The following PCDH9 variants were observed in gnomAD, a reference collection of about 807,000 sequenced individuals.
The protein encoded by PCDH9 is protocadherin 9.
PCDH9 carries 24 observed loss-of-function variants against 70.6 expected under a neutral mutation model. The observed-to-expected ratio is 0.34, with a 90% CI of 0.25 to 0.48. The LOEUF (loss-of-function observed/expected upper bound fraction) is 0.48. Among genes scored for constraint, PCDH9 ranks in the 20% least tolerant of loss-of-function variants. The pLI is 0.99. For synonymous variants in PCDH9, 562 were observed against 558.5 expected, an observed-to-expected ratio of 1.01 and a Z score of -0.09; for missense variants, 1,281 against 1,503.6, an observed-to-expected ratio of 0.85 and a Z score of 2.45.
intron 2 of PCDH9, among the ~76,000 whole-genome samples, chr13:67,196,870 C>T (rs1223460179): frequency 6.6e-6 from 1 of 151,882 alleles, no homozygotes; most frequent in Non-Finnish European, 1.5e-5. Flanking sequence ...ATAAAATGTG[C>T]ACATTTTCAA....
At chr13:67,208,322 T>TA (rs1186595416) in intron 2 of PCDH9, 1 of 152,144 alleles carries the variant, frequency 6.6e-6, no homozygotes, top group African/African-American at 2.4e-5. Context: ...TTATCAACAT[T>TA]AAAAAATTGG....
Position 66,874,656 on chromosome 13 carries a change from G to A in PCDH9, c.3138+28848C>T, listed in dbSNP as rs150909324. Among the ~76,000 whole-genome samples the A allele has an allele frequency of 5.9e-5, 9 of 151,910 alleles. No individual in the cohort carries two copies. In the East Asian group the frequency reaches 1.2e-3, roughly 20 times the overall value. ...AAATGAGATAAATGAGGATACGCAG[G>A]GAAACATTTAACATAAGATAGGTGC... On this transcript the variant is annotated intron_variant, in intron 3 of 4. Coordinates refer to ENST00000377865, the MANE Select transcript of PCDH9 (RefSeq NM_203487.3).
At chr13:66,954,553 G>A (rs962056774) in intron 2 of PCDH9, among the ~76,000 whole-genome samples, 2 of 152,094 alleles carry the variant, frequency 1.3e-5, no homozygotes, top group Non-Finnish European at 2.9e-5. Context: ...ACTTACCAAG[G>A]GTGCTGGGTC....
chr13:66,906,488 A>T lies in PCDH9; in HGVS notation c.3037-2883T>A, dbSNP rs575232646. On this transcript the variant is annotated intron_variant, in intron 2 of 4. Coordinates refer to ENST00000377865, the MANE Select transcript of PCDH9 (RefSeq NM_203487.3). ...TTTAAAGGTCATTCTTTTTCTTCCA[A>T]CTTTTCCAAGAAAATATGCAACATA... 1.3e-4 allele frequency among the ~76,000 whole-genome samples: 20 copies of T among 152,256 alleles called. No individual in the cohort carries two copies. In the South Asian group the frequency reaches 4.1e-3, roughly 32 times the overall value.
chr13:66,330,235 C>T (rs1463959434), intron 4 of PCDH9, among the ~76,000 whole-genome samples: 1 of 152,208 alleles, frequency 6.6e-6, no homozygotes, highest in Non-Finnish European at 1.5e-5. Context: ...AATAGCCTGG[C>T]ACTGGCTGCT....
chr13:67,139,073 T>C (rs17517922), intron 2 of PCDH9, among the ~76,000 whole-genome samples: 15,684 of 152,228 alleles, frequency 0.1, 1,044 homozygotes, highest in Admixed American at 0.19. Flanking sequence ...GGCAAAACTC[T>C]AGTCAATCCT....
intron 2 of PCDH9, among the ~76,000 whole-genome samples, chr13:66,998,839 C>A (rs1169498631): frequency 6.6e-6 from 1 of 152,086 alleles, no homozygotes; most frequent in East Asian, 1.9e-4. Context: ...TCAATTCATT[C>A]TTTCTAATGC....
At chr13:66,862,972 T>C (rs1803965343) in intron 3 of PCDH9, among the ~76,000 whole-genome samples, 1 of 152,188 alleles carries the variant, frequency 6.6e-6, no homozygotes, top group Non-Finnish European at 1.5e-5. Context: ...CCATCACAGG[T>C]AAGAAATTCT....
At chr13:67,123,117 A>C (rs1226097266) in intron 2 of PCDH9, among the ~76,000 whole-genome samples, 1 of 152,190 alleles carries the variant, frequency 6.6e-6, no homozygotes, top group Non-Finnish European at 1.5e-5. Context: ...ATGGAAAAAC[A>C]AAAATCTACT....
At chr13:67,212,667 G>A (rs2089491936) in intron 2 of PCDH9, 3 of 152,128 alleles carry the variant, frequency 2.0e-5, no homozygotes, top group Admixed American at 1.3e-4. Flanking sequence ...TCTGGAATAA[G>A]CATTGGTATC....
At position 67,226,895 on chromosome 13, in the gene PCDH9, C is replaced by T. The variant is rs2089888745; in HGVS notation, c.1546G>A (p.Asp516Asn). Residue 516 changes from aspartate to asparagine, a missense_variant, in exon 2 of 5, where the codon GAT (aspartate) becomes AAT (asparagine). By Grantham distance (23) the Asp-to-Asn change is conservative. This residue lies in a region of PCDH9 where 798 missense variants were observed against 1,003.1 expected (regional missense o/e 0.80). Transcript: ENST00000377865. The surrounding 1 kb of genome is among the most constrained non-coding windows in gnomAD (Gnocchi z 5.0). ...AAAACTCCTGTTTTTCGGTCCAGAT[C>T]AAAGAAGGAGGCATTCGGTCCAAGC... ...YQLGPNASFF[D>N]LDRKTGVLTA... 1.2e-6 allele frequency: 2 copies of T among 1,614,166 alleles called. No homozygotes were observed. The highest frequency in any genetic ancestry group is 1.7e-6 in the Non-Finnish European group (2 of 1,180,020).
At chr13:66,990,779 AT>A (rs1417614966) in intron 2 of PCDH9, 2 of 151,698 alleles carry the variant, frequency 1.3e-5, no homozygotes, top group African/African-American at 4.8e-5. Context: ...TGTTTACTTA[AT>A]TTGATGTAAT....
intron 3 of PCDH9, among the ~76,000 whole-genome samples, chr13:66,686,602 T>A (rs2078406235): frequency 1.3e-5 from 2 of 152,240 alleles, no homozygotes; most frequent in African/African-American, 2.4e-5. Flanking sequence ...CTGTTCAGAA[T>A]GTTTACATTG....
chr13:66,849,582 A>C (rs1388639610), intron 3 of PCDH9, among the ~76,000 whole-genome samples: 1 of 147,872 alleles, frequency 6.8e-6, no homozygotes, highest in Non-Finnish European at 1.5e-5. Context: ...TTAAGGCATG[A>C]GTGGGATGGG....
chr13:66,912,469 CT>C (rs1172462718), intron 2 of PCDH9, among the ~76,000 whole-genome samples: 5 of 152,016 alleles, frequency 3.3e-5, no homozygotes, highest in Middle Eastern at 3.4e-3. Flanking sequence ...AAATATTCTC[CT>C]TCTATACAAA....
intron 4 of PCDH9, among the ~76,000 whole-genome samples, chr13:66,603,381 G>A (rs1269225086): frequency 2.6e-5 from 4 of 151,832 alleles, no homozygotes; most frequent in Non-Finnish European, 5.9e-5. Context: ...GAATACCTTG[G>A]ATACATTTAG....
At chr13:66,455,521 A>G (rs1014786877) in intron 4 of PCDH9, among the ~76,000 whole-genome samples, 3 of 152,008 alleles carry the variant, frequency 2.0e-5, no homozygotes, top group Non-Finnish European at 2.9e-5. Context: ...TAGAATCCCA[A>G]TAAAGTTTTT....
chr13:66,784,590 C>T (rs2080050695), intron 3 of PCDH9, among the ~76,000 whole-genome samples: 1 of 152,018 alleles, frequency 6.6e-6, no homozygotes, highest in African/African-American at 2.4e-5. Context: ...TGAATCTATT[C>T]CTTACTGACA....
intron 2 of PCDH9, among the ~76,000 whole-genome samples, chr13:66,904,453 T>C (rs1475781849): frequency 4.6e-5 from 7 of 152,160 alleles, no homozygotes; most frequent in Non-Finnish European, 8.8e-5. Context: ...TGGCCATTTA[T>C]TAAACATAAC....
Sources: gnomAD v4.1 joint callset for allele counts (sites outside exome capture counted in the v4.1 genomes callset) on GRCh38, gnomAD v4.1.1 for gene constraint, gnomAD v4.1.1 regional missense constraint, Gnocchi (gnomAD v3.1) non-coding constraint, MANE v1.5 for transcripts, NCBI Gene and HGNC (gene_info 2026-07-23, HGNC 2026-07-21) for gene names.